The following BTBD9 variants were observed in gnomAD, a reference collection of about 807,000 sequenced individuals.
BTBD9 encodes the protein BTB domain containing 9.
A neutral mutation model predicts 64.3 loss-of-function variants in BTBD9; 49 were observed. The observed-to-expected ratio is 0.76, with a 90% CI of 0.61 to 0.97. The LOEUF (loss-of-function observed/expected upper bound fraction) is 0.97, where lower values mean the gene tolerates loss of function less well. Among genes scored for constraint, BTBD9 ranks in the 50% least tolerant of loss-of-function variants. The pLI, the probability that BTBD9 is intolerant of heterozygous loss-of-function variation, is 0.00. For missense variants in BTBD9, 598 were observed against 762.1 expected, an observed-to-expected ratio of 0.78 and a Z score of 2.53; for synonymous variants, 260 against 274.7, an observed-to-expected ratio of 0.95 and a Z score of 0.53.
chr6:38,538,220 T>C lies in BTBD9; in HGVS notation c.1154+39380A>G, dbSNP rs144493685. ...TCAGTATAAATCTATTCCTACACAC[T>C]TGATGCCTAGGAATTCATTAGTTTT... On this transcript the variant is annotated intron_variant, in intron 6 of 10. Transcript: ENST00000481247. Among the ~76,000 whole-genome samples, 93 of 152,304 alleles carry C rather than the reference T, an allele frequency of 6.1e-4. 1 individual carries two copies. In the East Asian group the frequency reaches 0.016, roughly 26 times the overall value.
chr6:38,480,271 CA>C (rs1771077389), intron 6 of BTBD9, among the ~76,000 whole-genome samples: 1 of 152,180 alleles, frequency 6.6e-6, no homozygotes, highest in Non-Finnish European at 1.5e-5. Flanking sequence ...GGGAGCAATG[CA>C]CTTCCTTTGC....
intron 6 of BTBD9, among the ~76,000 whole-genome samples, chr6:38,369,846 G>A (rs777042496): frequency 9.9e-5 from 15 of 152,142 alleles, no homozygotes; most frequent in Non-Finnish European, 2.2e-4. Flanking sequence ...GTTGGTTGGT[G>A]TTTCTTGAAT....
intron 6 of BTBD9, among the ~76,000 whole-genome samples, chr6:38,382,259 A>T (rs1765967033): frequency 6.6e-6 from 1 of 152,160 alleles, no homozygotes; most frequent in Non-Finnish European, 1.5e-5. Flanking sequence ...TGCCAGAGGG[A>T]ACAATAAGAA....
At chr6:38,625,528 A>G (rs1778136426) in intron 1 of BTBD9, among the ~76,000 whole-genome samples, 1 of 152,204 alleles carries the variant, frequency 6.6e-6, no homozygotes, top group Admixed American at 6.5e-5. Context: ...TGGGAAAATA[A>G]ATTATTTGGT....
chr6:38,360,790 T>C (rs942617315), intron 6 of BTBD9, among the ~76,000 whole-genome samples: 5 of 151,532 alleles, frequency 3.3e-5, no homozygotes, highest in African/African-American at 4.8e-5. Context: ...ACACAGGGTG[T>C]GGCTGTGAGG....
intron 6 of BTBD9, among the ~76,000 whole-genome samples, chr6:38,542,585 T>C (rs1202711760): frequency 2.6e-5 from 4 of 152,196 alleles, no homozygotes; most frequent in East Asian, 3.8e-4. Flanking sequence ...TGGCCCATAG[T>C]ATTTTTATAA....
chr6:38,588,111 G>A (rs1013015179), intron 4 of BTBD9: 19 of 737,630 alleles, frequency 2.6e-5, no homozygotes, highest in African/African-American at 1.9e-4. Context: ...CCGTGTCTGC[G>A]GGCTCTACCT....
intron 10 of BTBD9, among the ~76,000 whole-genome samples, chr6:38,182,377 C>T (rs761477379): frequency 2.8e-4 from 42 of 152,110 alleles, no homozygotes; most frequent in Non-Finnish European, 5.1e-4. Flanking sequence ...TTAATGGATT[C>T]GGCTATAGAG....
At chr6:38,559,957 C>A (rs570633471) in intron 6 of BTBD9, among the ~76,000 whole-genome samples, 1 of 152,258 alleles carries the variant, frequency 6.6e-6, no homozygotes, top group African/African-American at 2.4e-5. Context: ...AAATGTAAGA[C>A]TTCAAACTAT....
At chr6:38,430,462 C>G (rs999682678) in intron 6 of BTBD9, among the ~76,000 whole-genome samples, 2 of 150,864 alleles carry the variant, frequency 1.3e-5, no homozygotes, top group African/African-American at 4.9e-5. Flanking sequence ...TGGCCTCAAG[C>G]AATCTTCCCA....
At chr6:38,558,570 T>C (rs1002072646) in intron 6 of BTBD9, among the ~76,000 whole-genome samples, 1 of 152,202 alleles carries the variant, frequency 6.6e-6, no homozygotes, top group Non-Finnish European at 1.5e-5. Context: ...GTATGTTCTT[T>C]TGATGCCTAG....
chr6:38,436,672 G>A (rs1025176433), intron 6 of BTBD9, among the ~76,000 whole-genome samples: 1 of 150,014 alleles, frequency 6.7e-6, no homozygotes, highest in Admixed American at 6.6e-5. Flanking sequence ...CACCACACCT[G>A]GCCCAAATTC....
In BTBD9 at chr6:38,174,401, C is replaced by A. The variant is rs1384895346; in HGVS notation, c.*584G>T. On this transcript the variant is annotated 3_prime_UTR_variant, in exon 11 of 11. Transcript: ENST00000481247. ...CCCCGCAAGCTGAACCGTTCAAAAC[C>A]AAGGAAGGAAAATTATAGCATCAAA... The A allele has an allele frequency of 6.6e-6, 1 of 152,418 alleles. No individual in the cohort carries two copies. Among genetic ancestry groups the A allele is most frequent in the Admixed American group, 6.5e-5 (1 of 15,294 alleles). The allele number at this position is 152,418 out of a possible 1,614,324, so 9.4% of individuals were successfully genotyped here.
intron 7 of BTBD9, among the ~76,000 whole-genome samples, chr6:38,335,754 G>T (rs1366174098): frequency 2.0e-5 from 3 of 151,768 alleles, no homozygotes; most frequent in Non-Finnish European, 4.4e-5. Context: ...ATTTTTTTGA[G>T]ATGGAGTCTC....
At chr6:38,216,724 G>A (rs1248295449) in intron 9 of BTBD9, among the ~76,000 whole-genome samples, 2 of 152,214 alleles carry the variant, frequency 1.3e-5, no homozygotes, top group Non-Finnish European at 2.9e-5. Flanking sequence ...TTCATAGTCA[G>A]TGAGGAATAC....
intron 6 of BTBD9, among the ~76,000 whole-genome samples, chr6:38,512,780 C>T (rs1340696631): frequency 1.3e-5 from 2 of 152,052 alleles, no homozygotes; most frequent in Non-Finnish European, 2.9e-5. Context: ...TATTACAAAC[C>T]ATTCTTTATA....
intron 7 of BTBD9, among the ~76,000 whole-genome samples, chr6:38,334,963 G>C (rs1249458769): frequency 6.6e-6 from 1 of 152,116 alleles, no homozygotes; most frequent in Non-Finnish European, 1.5e-5. Flanking sequence ...TTGAGGGAGG[G>C]ACCTGGTGGG....
At chr6:38,338,236 C>T (rs1178289605) in intron 7 of BTBD9, among the ~76,000 whole-genome samples, 1 of 152,190 alleles carries the variant, frequency 6.6e-6, no homozygotes, top group African/African-American at 2.4e-5. Context: ...AGCATGGATA[C>T]ACTGGACAAA....
chr6:38,584,196 T>C (rs1776410613), intron 4 of BTBD9, among the ~76,000 whole-genome samples: 1 of 152,018 alleles, frequency 6.6e-6, no homozygotes, highest in Non-Finnish European at 1.5e-5. Context: ...AGCGTGGTAG[T>C]ACATGTCTAT....
Sources: gnomAD v4.1 joint callset for allele counts (sites outside exome capture counted in the v4.1 genomes callset) on GRCh38, gnomAD v4.1.1 for gene constraint, MANE v1.5 for transcripts, NCBI Gene and HGNC (gene_info 2026-07-23, HGNC 2026-07-21) for gene names.